The following ESRRG variants were observed in gnomAD, a reference collection of about 807,000 sequenced individuals.
The protein encoded by ESRRG is estrogen related receptor gamma.
A neutral mutation model predicts 44.0 loss-of-function variants in ESRRG; 13 were observed. The ratio of observed to expected loss-of-function variants is 0.30; its 90% CI spans 0.19 to 0.47. The LOEUF (loss-of-function observed/expected upper bound fraction) is 0.47, where lower values mean the gene tolerates loss of function less well. Ranked by LOEUF, ESRRG falls within the 20% of genes least tolerant of loss-of-function variation. ESRRG has a pLI of 1.00. For missense variants in ESRRG, 395 were observed against 580.6 expected, an observed-to-expected ratio of 0.68 and a Z score of 3.29; for synonymous variants, 215 against 214.6, an observed-to-expected ratio of 1.00 and a Z score of -0.02.
At chr1:217,031,727 T>C (rs1449530972) in intron 1 of ESRRG, among the ~76,000 whole-genome samples, 1 of 152,202 alleles carries the variant, frequency 6.6e-6, no homozygotes, top group Non-Finnish European at 1.5e-5. Flanking sequence ...GTTTCCCCCA[T>C]GCCATTCTCA....
At chr1:216,706,123 C>T (rs1284164438) in intron 1 of ESRRG, among the ~76,000 whole-genome samples, 1 of 152,102 alleles carries the variant, frequency 6.6e-6, no homozygotes, top group Non-Finnish European at 1.5e-5. Context: ...TTTTTTAAGA[C>T]TACGGTGAAG....
At chr1:216,861,838 A>G (rs955105580) in intron 2 of ESRRG, among the ~76,000 whole-genome samples, 1 of 152,150 alleles carries the variant, frequency 6.6e-6, no homozygotes, top group African/African-American at 2.4e-5. Context: ...AACTATCAAA[A>G]CTCAATAACA....
chr1:216,968,932 T>G (rs1185725138), intron 1 of ESRRG, among the ~76,000 whole-genome samples: 1 of 152,150 alleles, frequency 6.6e-6, no homozygotes, highest in Non-Finnish European at 1.5e-5. Flanking sequence ...ACATATTTTC[T>G]TAGATTTATA....
chr1:216,515,701 A>T (rs2818959), intron 6 of ESRRG, among the ~76,000 whole-genome samples: 2 of 151,842 alleles, frequency 1.3e-5, no homozygotes, highest in Non-Finnish European at 2.9e-5. Flanking sequence ...GATTGGACTC[A>T]CCTGGCTTCA....
intron 3 of ESRRG, among the ~76,000 whole-genome samples, chr1:216,619,935 C>A (rs1005931070): frequency 6.6e-6 from 1 of 152,120 alleles, no homozygotes; most frequent in African/African-American, 2.4e-5. Context: ...GTAGGCAACA[C>A]CGAGTCAAGA....
chr1:217,017,157 C>A (rs2079516508), intron 1 of ESRRG, among the ~76,000 whole-genome samples: 1 of 152,092 alleles, frequency 6.6e-6, no homozygotes, highest in African/African-American at 2.4e-5. Context: ...GTTAGCTTAT[C>A]CAATGACCAG....
chr1:217,034,055 T>C (rs1340563925), intron 1 of ESRRG, among the ~76,000 whole-genome samples: 2 of 152,196 alleles, frequency 1.3e-5, no homozygotes, highest in Admixed American at 1.3e-4. Context: ...ACAATCATCC[T>C]GAATGTTAGT....
chr1:216,967,078 T>C (rs1414595472), intron 1 of ESRRG, among the ~76,000 whole-genome samples: 1 of 152,062 alleles, frequency 6.6e-6, no homozygotes, highest in Non-Finnish European at 1.5e-5. Flanking sequence ...AATTTTACTG[T>C]TTAGAGTAGT....
At chr1:216,960,387 A>AT (rs1161298341) in intron 1 of ESRRG, among the ~76,000 whole-genome samples, 21 of 152,164 alleles carry the variant, frequency 1.4e-4, no homozygotes, top group African/African-American at 4.3e-4. Flanking sequence ...ACCAGAAGTA[A>AT]ACACCACCTC....
At chr1:216,526,826 C>A (rs569764811) in intron 5 of ESRRG, among the ~76,000 whole-genome samples, 2 of 152,050 alleles carry the variant, frequency 1.3e-5, no homozygotes, top group African/African-American at 4.8e-5. Flanking sequence ...AGTAAATAGA[C>A]CTAGAATTGG....
intron 3 of ESRRG, among the ~76,000 whole-genome samples, chr1:216,594,717 C>G (rs762952286): frequency 6.6e-6 from 1 of 152,222 alleles, no homozygotes; most frequent in African/African-American, 2.4e-5. Context: ...CCTTCCTCCT[C>G]TCCTGGAGAC....
At chr1:216,714,651 A>G (rs924025368) in intron 1 of ESRRG, 13 of 624,108 alleles carry the variant, frequency 2.1e-5, no homozygotes, top group Non-Finnish European at 8.0e-6. Flanking sequence ...GAAAATAAAG[A>G]AATAAAAAAA....
chr1:216,865,829 A>G (rs970574851), intron 2 of ESRRG, among the ~76,000 whole-genome samples: 1 of 152,220 alleles, frequency 6.6e-6, no homozygotes, highest in Non-Finnish European at 1.5e-5. Flanking sequence ...CTATGTGCTG[A>G]GTCCCTATAT....
intron 2 of ESRRG, among the ~76,000 whole-genome samples, chr1:216,675,336 G>A (rs566196118): frequency 3.8e-4 from 58 of 151,978 alleles, no homozygotes; most frequent in South Asian, 8.3e-4. Context: ...CTCTAGCCTG[G>A]GCCACAAGAG....
chr1:216,560,712 A>G (rs1477864918), intron 5 of ESRRG, among the ~76,000 whole-genome samples: 1 of 152,208 alleles, frequency 6.6e-6, no homozygotes, highest in Non-Finnish European at 1.5e-5. Context: ...AAAAAGGCCA[A>G]CAATGGAGAG....
intron 5 of ESRRG, among the ~76,000 whole-genome samples, chr1:216,546,494 G>T (rs781686930): frequency 6.6e-6 from 1 of 152,006 alleles, no homozygotes; most frequent in Non-Finnish European, 1.5e-5. Flanking sequence ...AGCCATGCTC[G>T]GTTTAATGCT....
intron 5 of ESRRG, among the ~76,000 whole-genome samples, chr1:216,541,583 TG>T (rs1195463396): frequency 2.7e-5 from 4 of 147,396 alleles, no homozygotes; most frequent in African/African-American, 7.8e-5. Context: ...TGTGTGTGTG[TG>T]TGTGTGTGTG....
At chr1:216,993,010 G>A (rs191675431) in intron 1 of ESRRG, among the ~76,000 whole-genome samples, 63 of 152,140 alleles carry the variant, frequency 4.1e-4, no homozygotes, top group African/African-American at 1.5e-3. Context: ...TGATATATTT[G>A]TTTCAATTGT....
intron 2 of ESRRG, among the ~76,000 whole-genome samples, chr1:216,749,903 A>G (rs983538216): frequency 6.6e-6 from 1 of 152,212 alleles, no homozygotes; most frequent in African/African-American, 2.4e-5. Context: ...CTTTATCCCC[A>G]TCTATCACTA....
Sources: allele counts gnomAD v4.1 joint callset (sites outside exome capture counted in the v4.1 genomes callset), GRCh38; gene constraint gnomAD v4.1.1; transcripts MANE v1.5; gene names NCBI Gene and HGNC (gene_info 2026-07-23, HGNC 2026-07-21).